Variants in ARRB1 observed in about 807,000 individuals in gnomAD.
ARRB1 encodes the protein arrestin beta 1.
Under a neutral mutation model 56.8 loss-of-function variants are expected in ARRB1, and 21 were observed. That is an observed-to-expected ratio of 0.37 (90% confidence interval 0.26 to 0.53). The LOEUF (loss-of-function observed/expected upper bound fraction) is 0.53. Among genes scored for constraint, ARRB1 ranks in the 20% least tolerant of loss-of-function variants. The pLI, the probability that ARRB1 is intolerant of heterozygous loss-of-function variation, is 0.88. For missense variants in ARRB1, 424 were observed against 553.7 expected, an observed-to-expected ratio of 0.77 and a Z score of 2.35; for synonymous variants, 210 against 218.6, an observed-to-expected ratio of 0.96 and a Z score of 0.35.
At position 75,278,762 on chromosome 11, in the gene ARRB1, A is replaced by G. The variant is rs1946257896; in HGVS notation, c.483-18T>C. 1 of 1,595,550 alleles carries G rather than the reference A, an allele frequency of 6.3e-7. No homozygotes were observed. The highest frequency in any genetic ancestry group is 8.6e-7 in the Non-Finnish European group (1 of 1,168,120). On this transcript the variant is annotated intron_variant, in intron 7 of 15. Coordinates refer to ENST00000420843, the MANE Select transcript of ARRB1 (RefSeq NM_004041.5). ...CAGAATTCCTAATGGAGATGGGCGG[A>G]GTGAAAGAGGACCAGGGTCACCTGC...
At chr11:75,344,251 C>T (rs371225046) in intron 1 of ARRB1, among the ~76,000 whole-genome samples, 1 of 152,186 alleles carries the variant, frequency 6.6e-6, no homozygotes, top group East Asian at 1.9e-4. Flanking sequence ...CCATCCCCAC[C>T]CAGGACACAC....
At chr11:75,334,866 C>A (rs567550681) in intron 1 of ARRB1, among the ~76,000 whole-genome samples, 1 of 151,706 alleles carries the variant, frequency 6.6e-6, no homozygotes, top group Non-Finnish European at 1.5e-5. Flanking sequence ...CTAGCCCAAA[C>A]GAAAACTTGC....
intron 1 of ARRB1, among the ~76,000 whole-genome samples, chr11:75,322,245 C>G (rs1479794500): frequency 6.6e-6 from 1 of 152,212 alleles, no homozygotes; most frequent in East Asian, 1.9e-4. Flanking sequence ...CAGCCAGACG[C>G]CTGTTATCCC....
intron 1 of ARRB1, among the ~76,000 whole-genome samples, chr11:75,340,668 T>C (rs550748565): frequency 2.6e-5 from 4 of 152,218 alleles, no homozygotes; most frequent in African/African-American, 9.6e-5. Flanking sequence ...CTACTTGGGG[T>C]TGGGAACCAG....
rs558703738 is a variant in ARRB1 at position 75,288,368 on chromosome 11, G to A, written c.52-993C>T. Among the ~76,000 whole-genome samples, 45 of 152,216 alleles carry A rather than the reference G, an allele frequency of 3.0e-4. No homozygotes were observed. The East Asian group carries it at 8.5e-3, about 29-fold the overall frequency. ...TCACGCCCCACTCCATAGCCAGCCG[G>A]GAGGGAAAAACCCCCGAGACAGAAT... On this transcript the variant is annotated intron_variant, in intron 2 of 15. Transcript: ENST00000420843.
At chr11:75,295,396 G>C (rs1274021575) in intron 1 of ARRB1, among the ~76,000 whole-genome samples, 1 of 152,014 alleles carries the variant, frequency 6.6e-6, no homozygotes, top group Non-Finnish European at 1.5e-5. Flanking sequence ...CAGCTTCTAG[G>C]GGCTGCCCAC....
At chr11:75,317,804 G>C (rs1366701244) in intron 1 of ARRB1, among the ~76,000 whole-genome samples, 1 of 152,138 alleles carries the variant, frequency 6.6e-6, no homozygotes, top group East Asian at 1.9e-4. Context: ...TGATCATCCG[G>C]CTGCACAGAT....
intron 1 of ARRB1, among the ~76,000 whole-genome samples, chr11:75,327,789 A>C (rs1221060347): frequency 1.3e-5 from 2 of 151,842 alleles, no homozygotes; most frequent in Non-Finnish European, 2.9e-5. Flanking sequence ...GGGTTTCGCC[A>C]TGTTGGCCAG....
chr11:75,264,945 C>G lies in ARRB1; in HGVS notation c.*1218G>C, dbSNP rs1162399925. ...TCAACCCAACACCAGCTAATGCGTA[C>G]TGGGTACCCATGACACTGGGAGCTA... is the stretch of plus-strand genomic sequence containing the variant. On this transcript the variant is annotated 3_prime_UTR_variant, in exon 16 of 16. Transcript: ENST00000420843. The G allele has an allele frequency of 6.6e-6, 1 of 152,268 alleles. No homozygotes were observed. Among genetic ancestry groups the G allele is most frequent in the African/African-American group, 2.4e-5 (1 of 41,462 alleles). The allele number at this position is 152,268 out of a possible 1,614,324, so 9.4% of individuals were successfully genotyped here.
chr11:75,332,663 G>A (rs1195156543), intron 1 of ARRB1, among the ~76,000 whole-genome samples: 4 of 152,094 alleles, frequency 2.6e-5, no homozygotes, highest in Admixed American at 2.0e-4. Flanking sequence ...TTGGGAGGCC[G>A]AGGCAGGCTG....
chr11:75,336,431 C>CA (rs1389106031), intron 1 of ARRB1, among the ~76,000 whole-genome samples: 3 of 152,146 alleles, frequency 2.0e-5, no homozygotes, highest in Non-Finnish European at 4.4e-5. Flanking sequence ...TGACTCCTCT[C>CA]AGCGCCCAAG....
At chr11:75,286,564 C>T (rs967899936) in intron 3 of ARRB1, among the ~76,000 whole-genome samples, 7 of 152,052 alleles carry the variant, frequency 4.6e-5, no homozygotes, top group African/African-American at 1.5e-4. Context: ...CGCACTTGGC[C>T]TAAAGACATT....
intron 14 of ARRB1, among the ~76,000 whole-genome samples, chr11:75,268,510 C>CAAAAAAAAAAAAAAAAAAAAAAAA: frequency 1.6e-5 from 1 of 61,426 alleles, no homozygotes; most frequent in Non-Finnish European, 3.4e-5. Context: ...GTCTCAAAAC[C>CAAAAAAAAAAAAAAAAAAAAAAAA]AAAAAAAAAA....
chr11:75,286,002 C>G (rs1946459862), intron 3 of ARRB1, among the ~76,000 whole-genome samples: 3 of 152,278 alleles, frequency 2.0e-5, no homozygotes, highest in Non-Finnish European at 4.4e-5. Flanking sequence ...CAGAAGACAC[C>G]AAACAGCATC....
intron 1 of ARRB1, among the ~76,000 whole-genome samples, chr11:75,335,964 C>A (rs952707912): frequency 6.6e-6 from 1 of 152,182 alleles, no homozygotes; most frequent in African/African-American, 2.4e-5. Context: ...TGCCAAGGGG[C>A]TTTCCACACG....
At chr11:75,347,707 T>C (rs1370354234) in intron 1 of ARRB1, among the ~76,000 whole-genome samples, 2 of 152,034 alleles carry the variant, frequency 1.3e-5, no homozygotes, top group Admixed American at 1.3e-4. Context: ...AAATACTTAA[T>C]CTCTTCTAGT....
At chr11:75,289,987 G>A in intron 2 of ARRB1, 22 bp downstream of exon 2, 1 of 1,614,176 alleles carries the variant, frequency 6.2e-7, no homozygotes, top group Non-Finnish European at 8.5e-7. Flanking sequence ...GGAGGCGCTG[G>A]GCGCAGCTGT....
At chr11:75,288,064 T>C (rs1275417987) in intron 2 of ARRB1, among the ~76,000 whole-genome samples, 3 of 152,134 alleles carry the variant, frequency 2.0e-5, no homozygotes, top group Non-Finnish European at 2.9e-5. Flanking sequence ...GGTTTCACCA[T>C]GTTGGTCAGG....
intron 1 of ARRB1, among the ~76,000 whole-genome samples, chr11:75,314,291 G>T (rs1307807412): frequency 6.6e-6 from 1 of 152,240 alleles, no homozygotes; most frequent in African/African-American, 2.4e-5. Flanking sequence ...AGTCAAGAGG[G>T]CCCAAGTCAG....
Sources: allele counts gnomAD v4.1 joint callset (sites outside exome capture counted in the v4.1 genomes callset), GRCh38; gene constraint gnomAD v4.1.1; transcripts MANE v1.5; gene names NCBI Gene and HGNC (gene_info 2026-07-23, HGNC 2026-07-21).